Variants in GRK5 observed in about 807,000 individuals in gnomAD.
The protein encoded by GRK5 is g protein-coupled receptor kinase GRK5.
Under a neutral mutation model 78.4 loss-of-function variants are expected in GRK5, and 40 were observed. The observed-to-expected ratio is 0.51, with a 90% CI of 0.40 to 0.66. GRK5 has a LOEUF of 0.66. Among genes scored for constraint, GRK5 ranks in the 30% least tolerant of loss-of-function variants. GRK5 has a pLI of 0.00. For missense variants in GRK5, 598 were observed against 759.9 expected (o/e 0.79, Z 2.50); for synonymous variants, 289 against 296.8 (o/e 0.97, Z 0.27).
chr10:119,416,548 C>T (rs1852456555), intron 4 of GRK5, among the ~76,000 whole-genome samples: 1 of 151,936 alleles, frequency 6.6e-6, no homozygotes, highest in Non-Finnish European at 1.5e-5. Flanking sequence ...CCTGTATGAC[C>T]TCTCTAGGGC....
rs575996344 is a variant in GRK5 at position 119,455,534 on chromosome 10, G to C, written c.*467G>C. On this transcript the variant is annotated 3_prime_UTR_variant, in exon 16 of 16. Coordinates refer to ENST00000392870, the MANE Select transcript of GRK5 (RefSeq NM_005308.3). ...TCCAAGGCATTTTAGCGGGGAGGGG[G>C]TTATCAAAAAAAAAAAAATGTGACT... 1.5e-5 allele frequency: 4 copies of C among 272,636 alleles called. No homozygotes were observed. In the East Asian group the frequency reaches 5.8e-4, roughly 39 times the overall value. The allele number at this position is 272,636 out of a possible 1,614,324, so 16.9% of individuals were successfully genotyped here.
intron 4 of GRK5, among the ~76,000 whole-genome samples, chr10:119,407,155 T>C (rs1373627901): frequency 6.6e-6 from 1 of 152,124 alleles, no homozygotes; most frequent in Non-Finnish European, 1.5e-5. Context: ...CGCTTCCCCT[T>C]CCCCTTCCCC....
In GRK5 at chr10:119,346,413, A is replaced by T. The variant is rs188860801; in HGVS notation, c.148+19802A>T. Among the ~76,000 whole-genome samples the T allele has an allele frequency of 5.1e-4, 77 of 152,310 alleles. No individual in the cohort carries two copies. The East Asian group carries it at 0.012, about 23-fold the overall frequency. ...TTGCTTCAGTTATTTACTGACCATG[A>T]TCTCCTAGGTCAGATTTATCATTTA... On this transcript the variant is annotated intron_variant, in intron 2 of 15. Transcript: ENST00000392870.
intron 4 of GRK5, among the ~76,000 whole-genome samples, chr10:119,416,957 A>G (rs1852468655): frequency 6.6e-6 from 1 of 152,136 alleles, no homozygotes; most frequent in Admixed American, 6.5e-5. Flanking sequence ...GTCTGAGATT[A>G]TAGTCAGTTG....
At chr10:119,248,951 A>G (rs1295973275) in intron 1 of GRK5, among the ~76,000 whole-genome samples, 2 of 152,102 alleles carry the variant, frequency 1.3e-5, no homozygotes, top group African/African-American at 4.8e-5. Context: ...TAATCTCTCC[A>G]TGTCTCAACT....
intron 1 of GRK5, among the ~76,000 whole-genome samples, chr10:119,289,898 C>G (rs2133701321): frequency 6.6e-6 from 1 of 152,328 alleles, no homozygotes; most frequent in South Asian, 2.1e-4. Context: ...AAAACTCACA[C>G]TGTTTTAAAT....
At chr10:119,381,528 C>T (rs1462193019) in intron 3 of GRK5, among the ~76,000 whole-genome samples, 1 of 152,244 alleles carries the variant, frequency 6.6e-6, no homozygotes, top group Non-Finnish European at 1.5e-5. Context: ...ATGGAGTCTT[C>T]CTTCACATGT....
At chr10:119,454,737 G>A (rs1853368688) in intron 15 of GRK5, among the ~76,000 whole-genome samples, 1 of 152,192 alleles carries the variant, frequency 6.6e-6, no homozygotes, top group Non-Finnish European at 1.5e-5. Flanking sequence ...AACCAAGGTG[G>A]ATATTATAGG....
chr10:119,246,001 C>G (rs1849103116), intron 1 of GRK5, among the ~76,000 whole-genome samples: 1 of 109,406 alleles, frequency 9.1e-6, no homozygotes, highest in South Asian at 3.0e-4. Context: ...GCCTGGGTGA[C>G]AGAGCGAGAC....
intron 1 of GRK5, among the ~76,000 whole-genome samples, chr10:119,255,807 G>A (rs1350999267): frequency 1.3e-5 from 2 of 152,128 alleles, no homozygotes; most frequent in Non-Finnish European, 2.9e-5. Context: ...GCAGTCGTAG[G>A]TACACAGACG....
chr10:119,370,294 G>A (rs908796936), intron 2 of GRK5, among the ~76,000 whole-genome samples: 1 of 152,132 alleles, frequency 6.6e-6, no homozygotes, highest in African/African-American at 2.4e-5. Flanking sequence ...CGATTCAGTG[G>A]TTTCACATGT....
At chr10:119,426,999 A>G (rs62636337) in intron 6 of GRK5, among the ~76,000 whole-genome samples, 1 of 82,574 alleles carries the variant, frequency 1.2e-5, no homozygotes, top group African/African-American at 4.7e-5. Context: ...ACCACCATCA[A>G]CAGCATCACA....
Position 119,430,662 on chromosome 10 carries a change from G to A in GRK5, c.597+224G>A, listed in dbSNP as rs148960146. ...GTGGAGCTGGGCAGGTGAGACAGAC[G>A]TGCTCTCCTGCCAGCCTCAGGCAGG... On this transcript the variant is annotated intron_variant, in intron 7 of 15. Coordinates refer to ENST00000392870, the MANE Select transcript of GRK5 (RefSeq NM_005308.3). This position sits in a 1 kb window ranked among gnomAD's most constrained non-coding sequence, Gnocchi z 4.5. 0.035 allele frequency among the ~76,000 whole-genome samples: 5,355 copies of A among 152,074 alleles called. 127 individuals are homozygous for A. The highest frequency in any genetic ancestry group is 0.075 in the South Asian group (361 of 4,818).
At chr10:119,254,876 G>A (rs1849255566) in intron 1 of GRK5, among the ~76,000 whole-genome samples, 1 of 152,030 alleles carries the variant, frequency 6.6e-6, no homozygotes, top group Admixed American at 6.6e-5. Context: ...CCAATGTGGT[G>A]AAACCCCATC....
chr10:119,313,220 GACGGTAGTGATGATGGTGGTGGTA>G lies in GRK5; in HGVS notation c.53-13294_53-13271del, dbSNP rs1350970783. Among the ~76,000 whole-genome samples the G allele has an allele frequency of 1.7e-4, 25 of 146,304 alleles. No individual in the cohort carries two copies. The East Asian group carries it at 5.9e-3, about 34-fold the overall frequency. The stretch of plus-strand genomic sequence containing the variant: ...TGGTGGTAATGGTAGTGGTGGTGGT[GACGGTAGTGATGATGGTGGTGGTA>G]ATGGTGGTGGTGATGGTGGTGGTAA... On this transcript the variant is annotated intron_variant, in intron 1 of 15. Transcript: ENST00000392870.
chr10:119,306,239 C>T (rs184561372), intron 1 of GRK5, among the ~76,000 whole-genome samples: 4 of 152,156 alleles, frequency 2.6e-5, no homozygotes, highest in African/African-American at 9.7e-5. Context: ...GAGAAATTTG[C>T]CCGCTAACAG....
intron 1 of GRK5, among the ~76,000 whole-genome samples, chr10:119,262,976 AATATTT>A (rs1849436473): frequency 6.6e-6 from 1 of 152,134 alleles, no homozygotes; most frequent in Admixed American, 6.5e-5. Flanking sequence ...GTTGTTGGGA[AATATTT>A]CTTACTATAT....
chr10:119,256,212 T>G (rs1849280680), intron 1 of GRK5, among the ~76,000 whole-genome samples: 1 of 152,050 alleles, frequency 6.6e-6, no homozygotes, highest in Non-Finnish European at 1.5e-5. Flanking sequence ...GGGCTGCCCT[T>G]CAGTGGCCTC....
chr10:119,421,227 G>T (rs566177507), intron 4 of GRK5, among the ~76,000 whole-genome samples: 1 of 152,380 alleles, frequency 6.6e-6, no homozygotes, highest in African/African-American at 2.4e-5. Flanking sequence ...TCCTGAAGCA[G>T]ATTTGCCCAG....
Sources: allele counts gnomAD v4.1 joint callset (sites outside exome capture counted in the v4.1 genomes callset), GRCh38; gene constraint gnomAD v4.1.1; non-coding constraint Gnocchi (gnomAD v3.1); transcripts MANE v1.5; gene names NCBI Gene and HGNC (gene_info 2026-07-23, HGNC 2026-07-21).